GTPBP2: variants seen among roughly 807,000 people sequenced by gnomAD.
The protein encoded by GTPBP2 is GTP-binding protein 2.
A neutral mutation model predicts 63.0 loss-of-function variants in GTPBP2; 32 were observed. The observed-to-expected ratio is 0.51, with a 90% CI of 0.38 to 0.68. GTPBP2 has a LOEUF of 0.68. GTPBP2 is among the 30% of genes least tolerant of loss of function. The pLI, the probability that GTPBP2 is intolerant of heterozygous loss-of-function variation, is 0.00. For missense variants in GTPBP2, 492 were observed against 796.9 expected, an observed-to-expected ratio of 0.62 and a Z score of 4.61; for synonymous variants, 310 against 322.6, an observed-to-expected ratio of 0.96 and a Z score of 0.42.
intron 11 of GTPBP2, 36 bp from the exon 12 acceptor site, chr6:43,621,826 C>T: frequency 2.5e-6 from 4 of 1,613,578 alleles, no homozygotes; most frequent in Non-Finnish European, 2.5e-6. Flanking sequence ...CTGGCCAGTG[C>T]CTTCTGTCCC....
At chr6:43,623,490 A>G in intron 9 of GTPBP2, 3 of 551,538 alleles carry the variant, frequency 5.4e-6, no homozygotes, top group Non-Finnish European at 9.7e-6. Flanking sequence ...TTCTTCCTGG[A>G]GCTCAAGACC....
Position 43,626,256 on chromosome 6 carries a change from G to C in GTPBP2, c.368C>G (p.Ser123Trp). 1 of 1,614,180 alleles carries C rather than the reference G, an allele frequency of 6.2e-7. No homozygotes were observed. Among genetic ancestry groups the C allele is most frequent in the Non-Finnish European group, 8.5e-7 (1 of 1,180,020 alleles). ...TGCCATCCGGTGCAGGGTCTTGAGC[G>C]AAGCTCGCATTTCCTCCTCAGCCAG... ...VGLAEEEMRASLKTLHRMAEK... is the reference protein window; with the variant it reads ...VGLAEEEMRAWLKTLHRMAEK... Residue 123 changes from serine (S) to tryptophan (W), a missense_variant, in exon 3 of 12, where the codon TCG (serine) becomes TGG (tryptophan). Ser to Trp is a radical substitution (Grantham distance 177). Coordinates refer to ENST00000307126, the MANE Select transcript of GTPBP2 (RefSeq NM_019096.5). The surrounding 1 kb of genome is among the most constrained non-coding windows in gnomAD (Gnocchi z 4.0).
chr6:43,624,780 G>T lies in GTPBP2; in HGVS notation c.881-51C>A. On this transcript the variant is annotated intron_variant, in intron 6 of 11. Transcript: ENST00000307126. This position sits in a 1 kb window ranked among gnomAD's most constrained non-coding sequence, Gnocchi z 5.1. ...AGGAGAGAAGAGTGAGAATGCAGGAGGGAGGAGAGGGAAGAAGAGGAGCAT... is the reference window on the plus strand; with the variant it reads ...AGGAGAGAAGAGTGAGAATGCAGGATGGAGGAGAGGGAAGAAGAGGAGCAT... The T allele has an allele frequency of 6.3e-7, 1 of 1,588,414 alleles. No homozygotes were observed. The highest frequency in any genetic ancestry group is 8.6e-7 in the Non-Finnish European group (1 of 1,157,542).
chr6:43,623,829 C>G (rs1769047951), intron 8 of GTPBP2, 34 bp from the exon 9 acceptor site: 2 of 1,610,760 alleles, frequency 1.2e-6, no homozygotes, highest in Admixed American at 1.7e-5. Flanking sequence ...AATGGCCTGC[C>G]AAGTAGGGCT....
Position 43,624,099 on chromosome 6 carries a change from AAG to A in GTPBP2, c.1101-33_1101-32del, listed in dbSNP as rs1769076082. The stretch of plus-strand genomic sequence containing the variant: ...GAGGGAGGCATGGAATGGACAGATG[AAG>A]ACAGTCCAAACAGGAGGCAGAGGCC... On this transcript the variant is annotated intron_variant, in intron 7 of 11. Coordinates refer to ENST00000307126, the MANE Select transcript of GTPBP2 (RefSeq NM_019096.5). This position sits in a 1 kb window ranked among gnomAD's most constrained non-coding sequence, Gnocchi z 5.1. 1 of 1,582,832 alleles carries A rather than the reference AAG, an allele frequency of 6.3e-7. No homozygotes were observed. The highest frequency in any genetic ancestry group is 1.3e-5 in the African/African-American group (1 of 74,364).
At chr6:43,629,430 C>T, upstream of GTPBP2, 1 of 564,590 alleles carries the variant, frequency 1.8e-6, no homozygotes, top group Non-Finnish European at 3.1e-6. Context: ...CGCAAGTGGC[C>T]GCGGGAGTCG....
chr6:43,627,314 C>T (rs1769450134), intron 1 of GTPBP2: 1 of 1,054,322 alleles, frequency 9.5e-7, no homozygotes, highest in East Asian at 7.4e-5. Flanking sequence ...CCTCTGTGCC[C>T]AGGCTGTTAA....
rs750241848 is a variant in GTPBP2, at chr6:43,621,721, C to T, written c.1702G>A (p.Val568Met). The part of the protein sequence containing the change: ...RFLKHPEYLK[V>M]GAKLLFREGV... ...TCCCGGAACAGCAGTTTGGCGCCCA[C>T]CTTCAGGTACTCTGGGTGTTTCAGG... The change falls in exon 12 of 12, where the codon GTG (valine) becomes ATG (methionine). Residue 568 changes from valine to methionine, a missense_variant. Transcript: ENST00000307126. 9 of 1,614,100 alleles carry T rather than the reference C, an allele frequency of 5.6e-6. No individual in the cohort carries two copies. The South Asian group carries it at 7.7e-5, about 14-fold the overall frequency.
At chr6:43,621,818 G>A in intron 11 of GTPBP2, 28 bp from the exon 12 acceptor site, 2 of 1,614,020 alleles carry the variant, frequency 1.2e-6, no homozygotes, top group African/African-American at 1.3e-5. Flanking sequence ...TCACTCCCCT[G>A]GCCAGTGCCT....
chr6:43,624,943 G>A lies in GTPBP2; in HGVS notation c.825C>T (p.Leu275=), dbSNP rs1455434035. ...HKYLHTTIFG[L]TSYCPDCALL... ...GGGCGCAGTCGGGGCAGTATGATGTGAGGCCAAAGATGGTGGTGTGTAGGT... is the reference window on the plus strand; with the variant it reads ...GGGCGCAGTCGGGGCAGTATGATGTAAGGCCAAAGATGGTGGTGTGTAGGT... The change falls in exon 6 of 12, where the codon CTC becomes CTT. Residue 275 remains leucine (L), a synonymous_variant. Coordinates refer to ENST00000307126, the MANE Select transcript of GTPBP2 (RefSeq NM_019096.5). This position sits in a 1 kb window ranked among gnomAD's most constrained non-coding sequence, Gnocchi z 5.1. 2 of 1,614,006 alleles carry A rather than the reference G, an allele frequency of 1.2e-6. No homozygotes were observed. The highest frequency in any genetic ancestry group is 1.3e-5 in the African/African-American group (1 of 74,922).
Position 43,625,922 on chromosome 6 carries a change from C to G in GTPBP2, c.399-58G>C, listed in dbSNP as rs1198138472. On this transcript the variant is annotated intron_variant, in intron 3 of 11. Coordinates refer to ENST00000307126, the MANE Select transcript of GTPBP2 (RefSeq NM_019096.5). This position sits in a 1 kb window ranked among gnomAD's most constrained non-coding sequence, Gnocchi z 5.1. ...ACCTGTCCTTCTCCTATTCCAGGCT[C>G]GCTCTGGACCTACAGACTTCCTGCA... The G allele has an allele frequency of 1.5e-6, 2 of 1,338,732 alleles. No homozygotes were observed. Among genetic ancestry groups the G allele is most frequent in the African/African-American group, 2.9e-5 (2 of 69,744 alleles). 82.9% of individuals were successfully genotyped at this position (1,338,732 alleles called of 1,614,324 possible).
Position 43,624,443 on chromosome 6 carries a change from C to T in GTPBP2, c.1100+67G>A, listed in dbSNP as rs1769127784. The T allele has an allele frequency of 4.3e-6, 5 of 1,176,062 alleles. No homozygotes were observed. In the African/African-American group the frequency reaches 4.5e-5, roughly 11 times the overall value. The allele number at this position is 1,176,062 out of a possible 1,614,324, so 72.9% of individuals were successfully genotyped here. On this transcript the variant is annotated intron_variant, in intron 7 of 11. Transcript: ENST00000307126. The surrounding 1 kb of genome is among the most constrained non-coding windows in gnomAD (Gnocchi z 5.1). The stretch of plus-strand genomic sequence containing the variant: ...GGCCCTGGAGAAGTAGGATATCATG[C>T]TTCTGGGCCCTGGGCTCTGTGGCAG...
At chr6:43,628,846 C>T (rs781396764) in intron 1 of GTPBP2, 131 bp downstream of exon 1, 12 of 1,020,566 alleles carry the variant, frequency 1.2e-5, no homozygotes, top group Non-Finnish European at 1.7e-5. Flanking sequence ...AAGAGGTGTT[C>T]TCCTCCCGTG....
rs1191298920 is a variant in GTPBP2, at chr6:43,625,946, C to T, written c.399-82G>A. The stretch of plus-strand genomic sequence containing the variant: ...TCGCTCTGGACCTACAGACTTCCTG[C>T]ACCTCCCACAGAGCTCCCAATACCT... On this transcript the variant is annotated intron_variant, in intron 3 of 11. Coordinates refer to ENST00000307126, the MANE Select transcript of GTPBP2 (RefSeq NM_019096.5). The surrounding 1 kb of genome is among the most constrained non-coding windows in gnomAD (Gnocchi z 5.1). The T allele has an allele frequency of 9.4e-7, 1 of 1,061,690 alleles. No individual in the cohort carries two copies. Among genetic ancestry groups the T allele is most frequent in the Non-Finnish European group, 1.5e-6 (1 of 682,662 alleles). The allele number at this position is 1,061,690 out of a possible 1,614,324, so 65.8% of individuals were successfully genotyped here.
At position 43,622,751 on chromosome 6, in the gene GTPBP2, C is replaced by G. The variant is rs904352228; in HGVS notation, c.1349G>C (p.Cys450Ser). Residue 450 changes from cysteine to serine, a missense_variant, in exon 10 of 12, where the codon TGC (cysteine) becomes TCC (serine). Cys to Ser is a moderately radical substitution (Grantham distance 112, BLOSUM62 -1). This residue lies in a region of GTPBP2 where 400 missense variants were observed against 710.8 expected (regional missense o/e 0.56). Transcript: ENST00000307126. This position sits in a 1 kb window ranked among gnomAD's most constrained non-coding sequence, Gnocchi z 5.4. Reference sequence around the variant, plus strand: ...GCTGCATACTCTCAGCTCCAGGAAGCAGCCATCATCCGTGGGGCCCACCAC... The same window carrying G: ...GCTGCATACTCTCAGCTCCAGGAAGGAGCCATCATCCGTGGGGCCCACCAC... ...QLVVGPTDDGCFLELRVCSIQ... is the reference protein window; with the variant it reads ...QLVVGPTDDGSFLELRVCSIQ... 2 of 1,614,014 alleles carry G rather than the reference C, an allele frequency of 1.2e-6. No homozygotes were observed. Among genetic ancestry groups the G allele is most frequent in the African/African-American group, 1.3e-5 (1 of 74,940 alleles).
Position 43,621,101 on chromosome 6 carries a change from C to A in GTPBP2, c.*513G>T. The A allele has an allele frequency of 3.2e-6, 1 of 308,022 alleles. No individual in the cohort carries two copies. Among genetic ancestry groups the A allele is most frequent in the South Asian group, 2.9e-5 (1 of 34,376 alleles). 19.1% of individuals were successfully genotyped at this position (308,022 alleles called of 1,614,324 possible). A position where few individuals can be genotyped will look rare whatever the true frequency, so the allele number is the denominator to read the frequency against. ...ACCATTCACTGTCCCTGTGCCATTT[C>A]TTCAGACTCTGGGCCGCCACCACCA... On this transcript the variant is annotated 3_prime_UTR_variant, in exon 12 of 12. Coordinates refer to ENST00000307126, the MANE Select transcript of GTPBP2 (RefSeq NM_019096.5).
At chr6:43,621,893 C>G (rs1166848221) in intron 11 of GTPBP2, 103 bp from the exon 12 acceptor site, 2 of 1,596,198 alleles carry the variant, frequency 1.3e-6, no homozygotes, top group Admixed American at 1.7e-5. Context: ...CGCTACCCAC[C>G]CTAAGTGGGG....
In GTPBP2 at chr6:43,625,203, T is replaced by C. The variant is rs1769200762; in HGVS notation, c.706-141A>G. On this transcript the variant is annotated intron_variant, in intron 5 of 11. Coordinates refer to ENST00000307126, the MANE Select transcript of GTPBP2 (RefSeq NM_019096.5). The surrounding 1 kb of genome is among the most constrained non-coding windows in gnomAD (Gnocchi z 5.1). ...TTTATTTAATTTAGTTGATTCCCCA[T>C]TGATTTCCTAAGAGGGGCAGAGCTT... The C allele has an allele frequency of 2.0e-6, 2 of 1,024,252 alleles. No homozygotes were observed. Among genetic ancestry groups the C allele is most frequent in the Non-Finnish European group, 1.5e-6 (1 of 681,592 alleles). The allele number at this position is 1,024,252 out of a possible 1,614,324, so 63.4% of individuals were successfully genotyped here.
Position 43,625,640 on chromosome 6 carries a change from C to A in GTPBP2, c.508-80G>T. On this transcript the variant is annotated intron_variant, in intron 4 of 11. Coordinates refer to ENST00000307126, the MANE Select transcript of GTPBP2 (RefSeq NM_019096.5). This position sits in a 1 kb window ranked among gnomAD's most constrained non-coding sequence, Gnocchi z 5.1. The stretch of plus-strand genomic sequence containing the variant: ...GACTGGGTCAAGGGCAGTGACGCTC[C>A]CTAGGGAGCAAGTGATGAACTGGAA... The A allele has an allele frequency of 7.0e-7, 1 of 1,425,306 alleles. No individual in the cohort carries two copies. The highest frequency in any genetic ancestry group is 9.9e-7 in the Non-Finnish European group (1 of 1,009,276). 88.3% of individuals were successfully genotyped at this position (1,425,306 alleles called of 1,614,324 possible). A position where few individuals can be genotyped will look rare whatever the true frequency, so the allele number is the denominator to read the frequency against.
Sources: allele counts gnomAD v4.1 joint callset, GRCh38; gene constraint gnomAD v4.1.1; regional missense constraint gnomAD v4.1.1; non-coding constraint Gnocchi (gnomAD v3.1); transcripts MANE v1.5; gene names NCBI Gene and HGNC (gene_info 2026-07-23, HGNC 2026-07-21).